Variants in ATF7IP observed in about 807,000 individuals in gnomAD.
The protein encoded by ATF7IP is activating transcription factor 7 interacting protein.
In ATF7IP, 23 loss-of-function variants were observed where a neutral mutation model predicts 106.4. The ratio of observed to expected loss-of-function variants is 0.22; its 90% CI spans 0.16 to 0.31. The LOEUF is 0.31. ATF7IP is among the 10% of genes least tolerant of loss of function. The pLI, the probability that ATF7IP is intolerant of heterozygous loss-of-function variation, is 1.00. For synonymous variants in ATF7IP, 542 were observed against 539.0 expected, an observed-to-expected ratio of 1.01 and a Z score of -0.08; for missense variants, 1,334 against 1,524.3, an observed-to-expected ratio of 0.88 and a Z score of 2.08.
At chr12:14,445,330 T>C (rs530109605) in intron 5 of ATF7IP, among the ~76,000 whole-genome samples, 3 of 152,150 alleles carry the variant, frequency 2.0e-5, no homozygotes, top group Non-Finnish European at 4.4e-5. Context: ...CATTCTCGCA[T>C]GAGCTGGGGT....
chr12:14,485,470 T>C (rs185294043), intron 13 of ATF7IP, among the ~76,000 whole-genome samples: 343 of 152,240 alleles, frequency 2.3e-3, no homozygotes, highest in African/African-American at 7.5e-3. Context: ...AAATGTCTCA[T>C]CAGTAAGTTC....
chr12:14,452,948 T>C (rs1047656759), intron 6 of ATF7IP, among the ~76,000 whole-genome samples: 11 of 152,206 alleles, frequency 7.2e-5, no homozygotes, highest in African/African-American at 2.7e-4. Flanking sequence ...AATTTCACCT[T>C]CATTTTTGAA....
At chr12:14,485,310 A>T (rs549546717) in intron 13 of ATF7IP, among the ~76,000 whole-genome samples, 1 of 152,022 alleles carries the variant, frequency 6.6e-6, no homozygotes, top group Non-Finnish European at 1.5e-5. Context: ...GGCCCACTAG[A>T]TGTTGTGCCT....
intron 9 of ATF7IP, among the ~76,000 whole-genome samples, chr12:14,465,136 C>T (rs1244564809): frequency 6.6e-6 from 1 of 152,034 alleles, no homozygotes; most frequent in Non-Finnish European, 1.5e-5. Flanking sequence ...GAATCTCGAA[C>T]CTGGGAGATG....
In ATF7IP at chr12:14,415,583, G is replaced by A. The variant is rs540722721; in HGVS notation, c.-7-8326G>A. On this transcript the variant is annotated intron_variant, in intron 1 of 14. Coordinates refer to ENST00000261168, the MANE Select transcript of ATF7IP (RefSeq NM_018179.5). ...GGATATTGCATTCCACATTTTGGTC[G>A]GTGACAGGCAGAGGGGTTAATTTGT... 1.2e-3 allele frequency among the ~76,000 whole-genome samples: 182 copies of A among 152,134 alleles called. 1 individual carries two copies. Among genetic ancestry groups the A allele is most frequent in the African/African-American group, 4.2e-3 (175 of 41,494 alleles).
chr12:14,370,303 A>G (rs559018669), intron 1 of ATF7IP, among the ~76,000 whole-genome samples: 4 of 152,210 alleles, frequency 2.6e-5, no homozygotes, highest in Non-Finnish European at 5.9e-5. Flanking sequence ...TATATGATAT[A>G]AAGTTTAAAC....
rs569980220 is a variant in ATF7IP at position 14,366,909 on chromosome 12, A to T, written c.-8+1082A>T. ...AAGATACAGTTGTGTTTGATTTTTT[A>T]ATTGTAAGTGTGCTCCTGGTTTTAT... On this transcript the variant is annotated intron_variant, in intron 1 of 14. Coordinates refer to ENST00000261168, the MANE Select transcript of ATF7IP (RefSeq NM_018179.5). 1.2e-3 allele frequency among the ~76,000 whole-genome samples: 188 copies of T among 152,236 alleles called. 2 individuals carry two copies. The highest frequency in any genetic ancestry group is 4.3e-3 in the African/African-American group (180 of 41,550).
rs764957949 is a variant in ATF7IP, at chr12:14,447,058, A to G, written c.1995+5A>G. The G allele has an allele frequency of 6.3e-7, 1 of 1,588,326 alleles. No homozygotes were observed. Among genetic ancestry groups the G allele is most frequent in the East Asian group, 2.3e-5 (1 of 44,302 alleles). On this transcript the variant is annotated splice_donor_5th_base_variant and intron_variant, in intron 6 of 14. Transcript: ENST00000261168. ...GATCTTAAGAAAAGACATGAAGTAAAATTTTTCTATTCTTGCATAATTAAT... is the reference window on the plus strand; with the variant it reads ...GATCTTAAGAAAAGACATGAAGTAAGATTTTTCTATTCTTGCATAATTAAT...
chr12:14,499,608 G>C lies in ATF7IP; in HGVS notation c.*1535G>C, dbSNP rs1261533392. 2.0e-5 allele frequency: 3 copies of C among 152,076 alleles called. No individual in the cohort carries two copies. The highest frequency in any genetic ancestry group is 4.4e-5 in the Non-Finnish European group (3 of 68,026). 9.4% of individuals were successfully genotyped at this position (152,076 alleles called of 1,614,324 possible). ...CATTTTAACCTTTTAACTTTGTTTT[G>C]ATGGTGCCAAGTTGAGTCTGATGTA... On this transcript the variant is annotated 3_prime_UTR_variant, in exon 15 of 15. Coordinates refer to ENST00000261168, the MANE Select transcript of ATF7IP (RefSeq NM_018179.5).
intron 8 of ATF7IP, 141 bp downstream of exon 8, chr12:14,457,436 A>C: frequency 1.6e-6 from 1 of 637,208 alleles, no homozygotes; most frequent in Non-Finnish European, 2.6e-6. Context: ...TTAAAAATTC[A>C]GGATCAAACT....
In ATF7IP at chr12:14,500,455, A is replaced by G. The variant is rs1302587228; in HGVS notation, c.*2382A>G. ...CTAGGACTAATGATGATGGTAAAGA[A>G]GTTGCCAGTGTTATGGCAATGAAAA... On this transcript the variant is annotated 3_prime_UTR_variant, in exon 15 of 15. Coordinates refer to ENST00000261168, the MANE Select transcript of ATF7IP (RefSeq NM_018179.5). The G allele has an allele frequency of 6.6e-6, 1 of 152,240 alleles. No individual in the cohort carries two copies. The highest frequency in any genetic ancestry group is 1.5e-5 in the Non-Finnish European group (1 of 68,042). The allele number at this position is 152,240 out of a possible 1,614,324, so 9.4% of individuals were successfully genotyped here. A position where few individuals can be genotyped will look rare whatever the true frequency, so the allele number is the denominator to read the frequency against.
At position 14,470,054 on chromosome 12, in the gene ATF7IP, C is replaced by G. The variant is rs184358079; in HGVS notation, c.2862+3464C>G. ...ACATCATCAATCTTCATTCACTGTT[C>G]AGAGTGTATATAAGAGAATTAATTG... On this transcript the variant is annotated intron_variant, in intron 10 of 14. Coordinates refer to ENST00000261168, the MANE Select transcript of ATF7IP (RefSeq NM_018179.5). 1.2e-4 allele frequency among the ~76,000 whole-genome samples: 18 copies of G among 152,234 alleles called. No individual in the cohort carries two copies. In the East Asian group the frequency reaches 3.5e-3, roughly 29 times the overall value.
intron 1 of ATF7IP, among the ~76,000 whole-genome samples, chr12:14,414,736 T>C (rs1941114510): frequency 6.6e-6 from 1 of 152,194 alleles, no homozygotes; most frequent in Non-Finnish European, 1.5e-5. Context: ...TGCATTATCA[T>C]CTAGTAAAAG....
chr12:14,498,083 C>G lies in ATF7IP; in HGVS notation c.*10C>G. 1 of 1,543,432 alleles carries G rather than the reference C, an allele frequency of 6.5e-7. No homozygotes were observed. Among genetic ancestry groups the G allele is most frequent in the Non-Finnish European group, 8.7e-7 (1 of 1,143,434 alleles). On this transcript the variant is annotated 3_prime_UTR_variant, in exon 15 of 15. Transcript: ENST00000261168. The stretch of plus-strand genomic sequence containing the variant: ...TACCCAGAGCAGTTAAACCTTGGAG[C>G]CTTTATATTTTCCTCTTTTAAAATT...
chr12:14,409,245 T>C (rs1294424254), intron 1 of ATF7IP, among the ~76,000 whole-genome samples: 2 of 151,930 alleles, frequency 1.3e-5, no homozygotes, highest in African/African-American at 4.8e-5. Flanking sequence ...CATTGGCAAA[T>C]ACAGAGAATG....
intron 1 of ATF7IP, among the ~76,000 whole-genome samples, chr12:14,406,800 C>T (rs1940615798): frequency 6.6e-6 from 1 of 151,242 alleles, no homozygotes; most frequent in Non-Finnish European, 1.5e-5. Flanking sequence ...TACCATCTTT[C>T]CCAGGCTGGT....
At chr12:14,433,212 T>TA (rs1942226863) in intron 2 of ATF7IP, among the ~76,000 whole-genome samples, 2 of 151,704 alleles carry the variant, frequency 1.3e-5, no homozygotes, top group East Asian at 1.9e-4. Context: ...CTACTAAAAA[T>TA]AAAAAAAATT....
chr12:14,427,332 C>T lies in ATF7IP; in HGVS notation c.1558+1859C>T, dbSNP rs141738119. 2.4e-3 allele frequency among the ~76,000 whole-genome samples: 356 copies of T among 150,598 alleles called. 1 individual carries two copies. The highest frequency in any genetic ancestry group is 8.2e-3 in the African/African-American group (335 of 41,012). On this transcript the variant is annotated intron_variant, in intron 2 of 14. Coordinates refer to ENST00000261168, the MANE Select transcript of ATF7IP (RefSeq NM_018179.5). ...GAGACAGGGTCTTGCTATATTGGCT[C>T]TGCTGTAACATAGGGTTTTAATGAG...
intron 10 of ATF7IP, among the ~76,000 whole-genome samples, chr12:14,475,080 G>A (rs563139937): frequency 6.6e-6 from 1 of 152,140 alleles, no homozygotes; most frequent in South Asian, 2.1e-4. Flanking sequence ...TTATCATTTG[G>A]AATTGATCTC....
Sources: allele counts gnomAD v4.1 joint callset (sites outside exome capture counted in the v4.1 genomes callset), GRCh38; gene constraint gnomAD v4.1.1; transcripts MANE v1.5; gene names NCBI Gene and HGNC (gene_info 2026-07-23, HGNC 2026-07-21).